The following UPP2 variants were observed in gnomAD, a reference collection of about 807,000 sequenced individuals.
UPP2 encodes the protein uridine phosphorylase 2.
Under a neutral mutation model 26.7 loss-of-function variants are expected in UPP2, and 23 were observed. That is an observed-to-expected ratio of 0.86 (90% CI 0.62 to 1.22). The LOEUF (loss-of-function observed/expected upper bound fraction) is 1.22, where lower values mean the gene tolerates loss of function less well. Ranked by LOEUF, UPP2 falls within the 50% of genes most tolerant of loss-of-function variation. The pLI is 0.00. For missense variants in UPP2, 387 were observed against 396.7 expected, an observed-to-expected ratio of 0.98 and a Z score of 0.21; for synonymous variants, 127 against 141.3, an observed-to-expected ratio of 0.90 and a Z score of 0.72.
Position 158,057,321 on chromosome 2 carries a change from G to A in UPP2, c.147+41435G>A, listed in dbSNP as rs562818665. On this transcript the variant is annotated intron_variant, in intron 3 of 9. Transcript: ENST00000605860. ...GAGAGTTAGGCTCCTGCTCTTCAGG[G>A]TGAAAGATCTACATAAATTATTTGC... 2.0e-5 allele frequency among the ~76,000 whole-genome samples: 3 copies of A among 152,204 alleles called. No homozygotes were observed. In the South Asian group the frequency reaches 6.2e-4, roughly 32 times the overall value.
intron 3 of UPP2, among the ~76,000 whole-genome samples, chr2:158,028,795 C>A (rs149846301): frequency 1.6e-4 from 24 of 152,284 alleles, no homozygotes; most frequent in Non-Finnish European, 1.6e-4. Context: ...TCTTACATGG[C>A]GGCAGCAAGA....
chr2:158,083,206 G>A (rs1003918612), intron 3 of UPP2, among the ~76,000 whole-genome samples: 3 of 152,128 alleles, frequency 2.0e-5, no homozygotes, highest in Non-Finnish European at 4.4e-5. Flanking sequence ...CCATTACTGG[G>A]TATACACCCA....
chr2:158,022,156 A>C (rs948890498), intron 3 of UPP2, among the ~76,000 whole-genome samples: 1 of 152,054 alleles, frequency 6.6e-6, no homozygotes, highest in Non-Finnish European at 1.5e-5. Flanking sequence ...TATTTTGCAC[A>C]TGTCTATATA....
intron 3 of UPP2, among the ~76,000 whole-genome samples, chr2:158,022,163 T>C (rs1480713841): frequency 6.6e-6 from 1 of 152,054 alleles, no homozygotes; most frequent in Non-Finnish European, 1.5e-5. Context: ...CACATGTCTA[T>C]ATAATAAAAG....
rs764369730 is a variant in UPP2, at chr2:158,121,469, G to T, written c.515G>T (p.Arg172Leu). Residue 172 changes from arginine (R) to leucine (L), a missense_variant, in exon 5 of 7, where the codon CGG becomes CTG. By Grantham distance (102) the Arg-to-Leu change is moderately radical. Coordinates refer to ENST00000005756, the MANE Select transcript of UPP2 (RefSeq NM_173355.4). ...GCTGTAGACTCCTTCTTTAAGCCCC[G>T]GTTTGAACAGGTCATTTTGGACAAC... ...DIAVDSFFKP[R>L]FEQVILDNIV... is the part of the protein sequence containing the mutation. 1.2e-6 allele frequency: 2 copies of T among 1,613,304 alleles called. No homozygotes were observed. The highest frequency in any genetic ancestry group is 3.3e-5 in the Admixed American group (2 of 59,962).
intron 3 of UPP2, among the ~76,000 whole-genome samples, chr2:158,067,513 AT>A (rs1682456809): frequency 6.6e-6 from 1 of 152,120 alleles, no homozygotes; most frequent in African/African-American, 2.4e-5. Context: ...GAGAAGCAAA[AT>A]TTGTAAAGGA....
At chr2:158,041,330 G>A (rs1048796270) in intron 3 of UPP2, among the ~76,000 whole-genome samples, 2 of 152,122 alleles carry the variant, frequency 1.3e-5, no homozygotes, top group African/African-American at 2.4e-5. Flanking sequence ...ATCAGGAAAT[G>A]AATTAAATGT....
In UPP2 at chr2:158,077,304, T is replaced by C. The variant is rs561701185; in HGVS notation, c.148-24736T>C. 9.9e-5 allele frequency among the ~76,000 whole-genome samples: 15 copies of C among 152,144 alleles called. No individual in the cohort carries two copies. The East Asian group carries it at 2.5e-3, about 25-fold the overall frequency. On this transcript the variant is annotated intron_variant, in intron 3 of 9. Transcript: ENST00000605860. ...TAGAAAAAAACAATCCTAGAACTTA[T>C]ATGAAACCACAAAAGACTCAAAACA...
At chr2:158,071,392 A>T (rs774104853) in intron 3 of UPP2, among the ~76,000 whole-genome samples, 3 of 151,846 alleles carry the variant, frequency 2.0e-5, no homozygotes, top group Non-Finnish European at 4.4e-5. Flanking sequence ...CTCTACTAAA[A>T]ATACAAATAT....
intron 3 of UPP2, among the ~76,000 whole-genome samples, chr2:158,016,756 G>A (rs1307725868): frequency 2.0e-5 from 3 of 152,004 alleles, no homozygotes; most frequent in South Asian, 2.1e-4. Context: ...GGAGAGATAC[G>A]GAGGATTTCT....
intron 3 of UPP2, among the ~76,000 whole-genome samples, chr2:158,025,793 C>A (rs545356283): frequency 6.6e-6 from 1 of 152,192 alleles, no homozygotes; most frequent in African/African-American, 2.4e-5. Context: ...GAGCCTCACA[C>A]GGAAGACATC....
At chr2:158,020,574 G>T (rs993882715) in intron 3 of UPP2, among the ~76,000 whole-genome samples, 1 of 152,190 alleles carries the variant, frequency 6.6e-6, no homozygotes, top group African/African-American at 2.4e-5. Flanking sequence ...TGATATTCCA[G>T]GAAGAAGGAC....
upstream of UPP2, among the ~76,000 whole-genome samples, chr2:158,097,499 G>A (rs992316444): frequency 1.2e-4 from 19 of 152,206 alleles, 1 homozygote; most frequent in Admixed American, 9.2e-4. Context: ...TCAATGCCTT[G>A]TGGGTCCTGG....
chr2:158,133,882 G>A (rs1037821771), intron 6 of UPP2: 6 of 152,110 alleles, frequency 3.9e-5, no homozygotes, highest in African/African-American at 9.7e-5. Flanking sequence ...TTATTACACC[G>A]TTAGCAATTC....
At chr2:158,104,894 C>T (rs890539198) in intron 1 of UPP2, among the ~76,000 whole-genome samples, 5 of 144,710 alleles carry the variant, frequency 3.5e-5, no homozygotes, top group Non-Finnish European at 3.0e-5. Context: ...GCACTCCAGC[C>T]TGGGTGACAG....
At chr2:158,011,978 C>G (rs921231765) in intron 2 of UPP2, among the ~76,000 whole-genome samples, 1 of 152,080 alleles carries the variant, frequency 6.6e-6, no homozygotes, top group African/African-American at 2.4e-5. Flanking sequence ...ATATGGTCTC[C>G]CCTCTTGCTT....
At chr2:158,081,501 A>T (rs1001552576) in intron 3 of UPP2, among the ~76,000 whole-genome samples, 1 of 152,218 alleles carries the variant, frequency 6.6e-6, no homozygotes, top group African/African-American at 2.4e-5. Flanking sequence ...AGTCTACCAA[A>T]GAGATAGCTG....
chr2:158,050,419 T>G (rs1211108148), intron 3 of UPP2, among the ~76,000 whole-genome samples: 2 of 152,218 alleles, frequency 1.3e-5, no homozygotes, highest in African/African-American at 4.8e-5. Flanking sequence ...TAGTCTATCT[T>G]ATCCTTATTC....
intron 3 of UPP2, among the ~76,000 whole-genome samples, chr2:158,094,632 A>G (rs1221009074): frequency 6.6e-6 from 1 of 152,238 alleles, no homozygotes; most frequent in Non-Finnish European, 1.5e-5. Context: ...CATAAAACAT[A>G]CTGTTCTCTT....
Sources: gnomAD v4.1 joint callset for allele counts (sites outside exome capture counted in the v4.1 genomes callset) on GRCh38, gnomAD v4.1.1 for gene constraint, MANE v1.5 for transcripts, NCBI Gene and HGNC (gene_info 2026-07-23, HGNC 2026-07-21) for gene names.